The following FUT8 variants were observed in gnomAD, a reference collection of about 807,000 sequenced individuals.
FUT8 encodes alpha-(1,6)-fucosyltransferase.
FUT8 carries 29 observed loss-of-function variants against 71.3 expected under a neutral mutation model. The observed-to-expected ratio is 0.41, with a 90% CI of 0.30 to 0.55. FUT8 has a LOEUF of 0.55. Among genes scored for constraint, FUT8 ranks in the 20% least tolerant of loss-of-function variants. The probability of loss-of-function intolerance (pLI) is 0.34; values close to 1 mark genes in which losing one functional copy is unlikely to be tolerated. For missense variants in FUT8, 544 were observed against 702.1 expected, an observed-to-expected ratio of 0.77 and a Z score of 2.55; for synonymous variants, 254 against 239.3, an observed-to-expected ratio of 1.06 and a Z score of -0.57.
chr14:65,500,562 A>G (rs771174359), intron 2 of FUT8, among the ~76,000 whole-genome samples: 1 of 152,142 alleles, frequency 6.6e-6, no homozygotes, highest in Non-Finnish European at 1.5e-5. Flanking sequence ...AGAACTCTTA[A>G]ACTGGAAGGC....
chr14:65,547,689 A>T (rs1326420503), intron 2 of FUT8, among the ~76,000 whole-genome samples: 2 of 151,746 alleles, frequency 1.3e-5, no homozygotes, highest in Non-Finnish European at 3.0e-5. Flanking sequence ...TTTGTTTTCC[A>T]AAAATATACT....
At chr14:65,491,075 A>G (rs1044540884) in intron 2 of FUT8, among the ~76,000 whole-genome samples, 1 of 152,134 alleles carries the variant, frequency 6.6e-6, no homozygotes, top group African/African-American at 2.4e-5. Context: ...GGACCATATT[A>G]AAACTGGTAA....
At chr14:65,693,618 G>A (rs1202197540) in intron 7 of FUT8, among the ~76,000 whole-genome samples, 2 of 152,194 alleles carry the variant, frequency 1.3e-5, no homozygotes, top group Non-Finnish European at 2.9e-5. Context: ...TGAGGATTTT[G>A]CATCTACATT....
At chr14:65,617,307 C>T (rs1036295436) in intron 5 of FUT8, 6 of 1,132,138 alleles carry the variant, frequency 5.3e-6, no homozygotes, top group Admixed American at 7.1e-5. Context: ...ATCATTTTAG[C>T]ATTAATGAAT....
chr14:65,682,633 C>G (rs1304482186), intron 7 of FUT8, among the ~76,000 whole-genome samples: 1 of 152,178 alleles, frequency 6.6e-6, no homozygotes, highest in East Asian at 1.9e-4. Flanking sequence ...GTATAGAAAT[C>G]TGCACACCCG....
At chr14:65,636,949 A>G (rs1368039299) in intron 6 of FUT8, among the ~76,000 whole-genome samples, 5 of 152,228 alleles carry the variant, frequency 3.3e-5, no homozygotes, top group African/African-American at 1.2e-4. Flanking sequence ...CTAATAGACA[A>G]GTATGCTATC....
At chr14:65,610,391 CTTTT>C (rs61112886) in intron 3 of FUT8, among the ~76,000 whole-genome samples, 1 of 140,664 alleles carries the variant, frequency 7.1e-6, no homozygotes, top group Non-Finnish European at 1.6e-5. Flanking sequence ...TTTCTGACAC[CTTTT>C]TTTTTTTTTT....
chr14:65,394,454 C>T, the FUT8 span, among the ~76,000 whole-genome samples: 1 of 152,176 alleles, frequency 6.6e-6, no homozygotes, highest in East Asian at 1.9e-4. Context: ...CTGCCCCTGG[C>T]TCCTTCCAAA....
chr14:65,564,767 T>C (rs189019548), intron 3 of FUT8, among the ~76,000 whole-genome samples: 1 of 152,184 alleles, frequency 6.6e-6, no homozygotes, highest in Non-Finnish European at 1.5e-5. Flanking sequence ...TAAATTGAAT[T>C]ACATAGTATG....
At chr14:65,564,352 T>A (rs568446358) in intron 3 of FUT8, among the ~76,000 whole-genome samples, 140 of 152,178 alleles carry the variant, frequency 9.2e-4, no homozygotes, top group African/African-American at 3.2e-3. Context: ...ATTTTTTAGA[T>A]TTTCTAGATT....
intron 1 of FUT8, among the ~76,000 whole-genome samples, chr14:65,451,784 A>G (rs961363547): frequency 6.6e-6 from 1 of 152,214 alleles, no homozygotes; most frequent in Non-Finnish European, 1.5e-5. Context: ...TAGTAATGCC[A>G]TCAAGCTGTC....
intron 1 of FUT8, among the ~76,000 whole-genome samples, chr14:65,441,006 C>T (rs573713447): frequency 6.6e-6 from 1 of 151,890 alleles, no homozygotes; most frequent in Non-Finnish European, 1.5e-5. Context: ...ATTTTATACT[C>T]AAAACTATGT....
At chr14:65,588,672 G>A (rs1234423079) in intron 3 of FUT8, among the ~76,000 whole-genome samples, 1 of 151,958 alleles carries the variant, frequency 6.6e-6, no homozygotes, top group Admixed American at 6.6e-5. Flanking sequence ...GCTTTCTGCA[G>A]TTTCAGTATA....
the FUT8 span, among the ~76,000 whole-genome samples, chr14:65,389,359 G>A: frequency 0.13 from 20,071 of 149,266 alleles, 1,989 homozygotes; most frequent in East Asian, 0.54. Flanking sequence ...ACAAGAGTGT[G>A]CCACCACACC....
intron 7 of FUT8, among the ~76,000 whole-genome samples, chr14:65,698,740 G>A (rs747059815): frequency 4.6e-5 from 7 of 152,094 alleles, no homozygotes; most frequent in Non-Finnish European, 7.4e-5. Flanking sequence ...ATAGCAAACT[G>A]TGGGATCCCT....
At chr14:65,692,606 G>A (rs1249179780) in intron 7 of FUT8, among the ~76,000 whole-genome samples, 1 of 150,088 alleles carries the variant, frequency 6.7e-6, no homozygotes, top group East Asian at 2.0e-4. Flanking sequence ...TGGGCGGGGG[G>A]CTGACCCCCA....
intron 3 of FUT8, among the ~76,000 whole-genome samples, chr14:65,570,062 A>G (rs1281182071): frequency 6.6e-6 from 1 of 152,164 alleles, no homozygotes; most frequent in East Asian, 1.9e-4. Context: ...TAAATTTGAC[A>G]TACATTGAAG....
intron 2 of FUT8, among the ~76,000 whole-genome samples, chr14:65,456,727 G>A (rs1425447998): frequency 6.6e-6 from 1 of 151,824 alleles, no homozygotes; most frequent in Admixed American, 6.6e-5. Flanking sequence ...ACAAAAATTA[G>A]TTGGGTGTGG....
rs952891057 is a variant in FUT8 at position 65,444,454 on chromosome 14, A to G, written c.-325-11167A>G. Among the ~76,000 whole-genome samples the G allele has an allele frequency of 6.6e-5, 10 of 152,340 alleles. No homozygotes were observed. The South Asian group carries it at 2.1e-3, about 32-fold the overall frequency. On this transcript the variant is annotated intron_variant, in intron 1 of 10. Transcript: ENST00000673929. ...AGTCCCACTTCTAAGTATTTACCCAAGGAAATGAAACATGTTCCTGCAAAA... is the reference window on the plus strand; with the variant it reads ...AGTCCCACTTCTAAGTATTTACCCAGGGAAATGAAACATGTTCCTGCAAAA...
Sources: allele counts gnomAD v4.1 joint callset (sites outside exome capture counted in the v4.1 genomes callset), GRCh38; gene constraint gnomAD v4.1.1; transcripts MANE v1.5; gene names NCBI Gene and HGNC (gene_info 2026-07-23, HGNC 2026-07-21).